The following EPB41L3 variants were observed in gnomAD, a reference collection of about 807,000 sequenced individuals.
The protein encoded by EPB41L3 is erythrocyte membrane protein band 4.1 like 3.
A neutral mutation model predicts 127.1 loss-of-function variants in EPB41L3; 57 were observed. The ratio of observed to expected loss-of-function variants is 0.45; its 90% CI spans 0.36 to 0.56. The LOEUF (loss-of-function observed/expected upper bound fraction) is 0.56, where lower values mean the gene tolerates loss of function less well. EPB41L3 is among the 20% of genes least tolerant of loss of function. The pLI is 0.00. For synonymous variants in EPB41L3, 572 were observed against 549.5 expected, an observed-to-expected ratio of 1.04 and a Z score of -0.57; for missense variants, 1,273 against 1,372.2, an observed-to-expected ratio of 0.93 and a Z score of 1.14.
intron 3 of EPB41L3, chr18:5,577,515 T>C (rs1314280624): frequency 6.3e-6 from 2 of 319,096 alleles, no homozygotes; most frequent in Non-Finnish European, 1.2e-5. Context: ...ACATCCAGAT[T>C]CTCTCCTTAA....
chr18:5,588,918 C>T (rs958371786), intron 3 of EPB41L3, among the ~76,000 whole-genome samples: 2 of 151,076 alleles, frequency 1.3e-5, no homozygotes, highest in Non-Finnish European at 3.0e-5. Context: ...AGATGTATTT[C>T]CAGGCACCCA....
intron 14 of EPB41L3, 50 bp downstream of exon 14, chr18:5,410,515 CA>C: frequency 7.2e-7 from 1 of 1,393,990 alleles, no homozygotes; most frequent in Non-Finnish European, 1.0e-6. Flanking sequence ...AGCCACCCCA[CA>C]AGGCATTTTC....
rs747169644 is a variant in EPB41L3 at position 5,433,418 on chromosome 18, T to A, written c.912+51A>T. Reference sequence around the variant, plus strand: ...TCACCAGCTTACAGTAATAACAACATCAAGTTACATAATATTAAATTGAAA... The same window carrying A: ...TCACCAGCTTACAGTAATAACAACAACAAGTTACATAATATTAAATTGAAA... On this transcript the variant is annotated intron_variant, in intron 8 of 22. Transcript: ENST00000341928. The A allele has an allele frequency of 1.1e-5, 14 of 1,306,946 alleles. No individual in the cohort carries two copies. In the Admixed American group the frequency reaches 1.3e-4, roughly 12 times the overall value. The allele number at this position is 1,306,946 out of a possible 1,614,324, so 81.0% of individuals were successfully genotyped here.
chr18:5,488,658 T>C (rs1253815241), intron 2 of EPB41L3, among the ~76,000 whole-genome samples: 2 of 151,972 alleles, frequency 1.3e-5, no homozygotes, highest in Non-Finnish European at 2.9e-5. Context: ...AAATGCAAAC[T>C]CACTCTAGCC....
chr18:5,590,330 C>T (rs1305198600), intron 3 of EPB41L3, among the ~76,000 whole-genome samples: 2 of 152,114 alleles, frequency 1.3e-5, no homozygotes, highest in South Asian at 2.1e-4. Context: ...TTCCTTTCCT[C>T]CTTTAAAATC....
chr18:5,455,207 G>A (rs2082852223), intron 3 of EPB41L3, among the ~76,000 whole-genome samples: 2 of 151,948 alleles, frequency 1.3e-5, no homozygotes, highest in South Asian at 4.2e-4. Flanking sequence ...TTCTAATGCT[G>A]AATTTGGAAT....
intron 2 of EPB41L3, among the ~76,000 whole-genome samples, chr18:5,486,696 C>T (rs796646254): frequency 5.3e-5 from 8 of 152,152 alleles, no homozygotes; most frequent in African/African-American, 1.9e-4. Context: ...AAAGAAGACA[C>T]ACAAATGGCC....
intron 3 of EPB41L3, among the ~76,000 whole-genome samples, chr18:5,577,810 T>C (rs981824077): frequency 6.6e-6 from 1 of 152,328 alleles, no homozygotes; most frequent in Admixed American, 6.5e-5. Flanking sequence ...TCTTTCACAA[T>C]TGTCATATTA....
chr18:5,630,477 G>C, upstream of EPB41L3: 1 of 518,942 alleles, frequency 1.9e-6, no homozygotes, highest in South Asian at 1.4e-5. Context: ...AGGGCAGAGA[G>C]AGGTAGGGCT....
At chr18:5,480,928 A>G (rs1358020414) in intron 2 of EPB41L3, 4 of 152,222 alleles carry the variant, frequency 2.6e-5, no homozygotes, top group African/African-American at 9.6e-5. Flanking sequence ...AAAAGCAAAC[A>G]TTTACTTTAG....
intron 10 of EPB41L3, among the ~76,000 whole-genome samples, chr18:5,423,911 T>C (rs751871120): frequency 6.6e-6 from 1 of 152,128 alleles, no homozygotes; most frequent in Non-Finnish European, 1.5e-5. Flanking sequence ...TCTCGTACCA[T>C]GCATAGGTAG....
At chr18:5,562,779 C>A (rs943288988) in intron 3 of EPB41L3, among the ~76,000 whole-genome samples, 28 of 152,296 alleles carry the variant, frequency 1.8e-4, no homozygotes, top group African/African-American at 5.3e-4. Context: ...CTCATCCCCC[C>A]ACACTGCTGC....
chr18:5,427,837 C>T lies in EPB41L3; in HGVS notation c.1065+476G>A, dbSNP rs927951520. Among the ~76,000 whole-genome samples, 109 of 152,248 alleles carry T rather than the reference C, an allele frequency of 7.2e-4. 1 individual carries two copies. Among genetic ancestry groups the T allele is most frequent in the African/African-American group, 2.5e-3 (104 of 41,554 alleles). On this transcript the variant is annotated intron_variant, in intron 9 of 22. Coordinates refer to ENST00000341928, the MANE Select transcript of EPB41L3 (RefSeq NM_012307.5). ...CTCGGCTCACTGCAAGCTCCGCCCC[C>T]TGGGTTCACGCCATTCTCCTGCCTC...
At position 5,553,879 on chromosome 18, in the gene EPB41L3, C is replaced by T. The variant is rs114088147; in HGVS notation, c.-306+58461G>A. Among the ~76,000 whole-genome samples, 379 of 152,298 alleles carry T rather than the reference C, an allele frequency of 2.5e-3. 2 individuals carry two copies. The highest frequency in any genetic ancestry group is 8.9e-3 in the African/African-American group (370 of 41,574). On this transcript the variant is annotated intron_variant, in intron 3 of 21. Transcript: ENST00000545076. ...ACTCTTGTTCAAAGCCTCTGGGGGC[C>T]GTGTTATCTGCCCTCACCCCAACCA...
chr18:5,616,618 T>A (rs1235837014), intron 1 of EPB41L3, among the ~76,000 whole-genome samples: 2 of 152,188 alleles, frequency 1.3e-5, no homozygotes, highest in Admixed American at 6.5e-5. Flanking sequence ...ACCTGTGAAC[T>A]CTCACTTAAC....
chr18:5,587,211 C>G (rs78750616), intron 3 of EPB41L3, among the ~76,000 whole-genome samples: 2 of 151,996 alleles, frequency 1.3e-5, no homozygotes, highest in Non-Finnish European at 2.9e-5. Flanking sequence ...ATCAAATGAC[C>G]GTGGGCGTTA....
At chr18:5,503,736 C>A (rs2091934554) in intron 1 of EPB41L3, among the ~76,000 whole-genome samples, 1 of 152,168 alleles carries the variant, frequency 6.6e-6, no homozygotes. Flanking sequence ...ATTACTATGA[C>A]AAAGTTGGTA....
intron 5 of EPB41L3, among the ~76,000 whole-genome samples, chr18:5,438,373 A>C (rs868841825): frequency 6.6e-6 from 1 of 152,216 alleles, no homozygotes; most frequent in African/African-American, 2.4e-5. Flanking sequence ...TTCAGAATCA[A>C]AGGTAAGCAA....
chr18:5,396,607 T>A (rs368852316), intron 18 of EPB41L3, among the ~76,000 whole-genome samples: 8 of 152,270 alleles, frequency 5.3e-5, no homozygotes, highest in African/African-American at 1.9e-4. Context: ...AAGAAACTAA[T>A]AATGAGACAT....
Sources: allele counts gnomAD v4.1 joint callset (sites outside exome capture counted in the v4.1 genomes callset), GRCh38; gene constraint gnomAD v4.1.1; transcripts MANE v1.5; gene names NCBI Gene and HGNC (gene_info 2026-07-23, HGNC 2026-07-21).